Variants in MOB3B observed in about 807,000 individuals in gnomAD.
MOB3B encodes the protein MOB kinase activator-like 2B.
In MOB3B, 7 loss-of-function variants were observed where a neutral mutation model predicts 18.7. That is an observed-to-expected ratio of 0.37 (90% CI 0.21 to 0.70). MOB3B has a LOEUF of 0.70. MOB3B is among the 30% of genes least tolerant of loss of function. MOB3B has a pLI of 0.52. For synonymous variants in MOB3B, 111 were observed against 99.9 expected (o/e 1.11, Z -0.66); for missense variants, 253 against 281.3 (o/e 0.90, Z 0.72).
At chr9:27,489,873 G>A (rs1819789699) in intron 1 of MOB3B, among the ~76,000 whole-genome samples, 1 of 150,166 alleles carries the variant, frequency 6.7e-6, no homozygotes, top group Admixed American at 6.7e-5. Flanking sequence ...AGTCACATAA[G>A]CTAAAAAACA....
chr9:27,430,127 A>G (rs142436837), intron 2 of MOB3B, among the ~76,000 whole-genome samples: 274 of 151,844 alleles, frequency 1.8e-3, no homozygotes, highest in African/African-American at 6.3e-3. Context: ...TGACATCACT[A>G]CTCCTTGACC....
At chr9:27,483,027 A>G (rs1210314243) in intron 1 of MOB3B, among the ~76,000 whole-genome samples, 1 of 149,724 alleles carries the variant, frequency 6.7e-6, no homozygotes, top group African/African-American at 2.6e-5. Context: ...GTGCACATAC[A>G]TATTTGAGGG....
intron 3 of MOB3B, among the ~76,000 whole-genome samples, chr9:27,356,879 T>C (rs1173806465): frequency 6.6e-6 from 1 of 151,776 alleles, no homozygotes; most frequent in African/African-American, 2.4e-5. Flanking sequence ...TGCACAACCT[T>C]ATCTTCCCAT....
chr9:27,485,700 C>A (rs770167250), intron 1 of MOB3B, among the ~76,000 whole-genome samples: 5 of 152,192 alleles, frequency 3.3e-5, no homozygotes, highest in Non-Finnish European at 7.4e-5. Flanking sequence ...TACAAAATGT[C>A]AACAGCAGAA....
intron 2 of MOB3B, among the ~76,000 whole-genome samples, chr9:27,360,082 G>A (rs980322142): frequency 3.3e-5 from 5 of 152,172 alleles, no homozygotes; most frequent in African/African-American, 1.2e-4. Context: ...TCATAATAAG[G>A]TCTTCCTTAA....
chr9:27,428,584 T>A (rs1822371622), intron 2 of MOB3B, among the ~76,000 whole-genome samples: 1 of 152,242 alleles, frequency 6.6e-6, no homozygotes, highest in Non-Finnish European at 1.5e-5. Context: ...TTTCCATTCA[T>A]TGCGGTCCAA....
intron 2 of MOB3B, among the ~76,000 whole-genome samples, chr9:27,416,741 G>T (rs1441342032): frequency 2.6e-5 from 4 of 151,610 alleles, no homozygotes; most frequent in African/African-American, 9.7e-5. Context: ...TTGCTATGTT[G>T]CCCAGGCTGG....
At chr9:27,370,934 G>A (rs572182844) in intron 2 of MOB3B, among the ~76,000 whole-genome samples, 25 of 152,116 alleles carry the variant, frequency 1.6e-4, no homozygotes, top group African/African-American at 6.0e-4. Flanking sequence ...ACCAAGTCAC[G>A]TCTAAGGAGT....
At chr9:27,391,241 G>A (rs929182759) in intron 2 of MOB3B, among the ~76,000 whole-genome samples, 1 of 152,154 alleles carries the variant, frequency 6.6e-6, no homozygotes, top group Non-Finnish European at 1.5e-5. Context: ...CCTATTCAGA[G>A]GCGACTGCCT....
intron 2 of MOB3B, among the ~76,000 whole-genome samples, chr9:27,424,731 A>T (rs576780397): frequency 6.6e-6 from 1 of 152,362 alleles, no homozygotes; most frequent in East Asian, 1.9e-4. Context: ...AGCAAAGAAT[A>T]TACCAGACTG....
chr9:27,443,453 C>A (rs936124294), intron 2 of MOB3B, among the ~76,000 whole-genome samples: 1 of 152,152 alleles, frequency 6.6e-6, no homozygotes, highest in Non-Finnish European at 1.5e-5. Flanking sequence ...CGATTTCTTC[C>A]TTTCTTTTAC....
intron 1 of MOB3B, among the ~76,000 whole-genome samples, chr9:27,497,942 T>C (rs2477524): frequency 0.92 from 139,557 of 152,296 alleles, 64,904 homozygotes; most frequent in East Asian, 1. Flanking sequence ...GACAAGAAGA[T>C]GAAATGTGAA....
rs1378034239 is a variant in MOB3B at position 27,329,676 on chromosome 9, CTG to C, written c.*909_*910del. ...ATTATGTAGAGACAGCCACGACTCC[CTG>C]TCTTTAATAAAGAACAAACACTGCA... On this transcript the variant is annotated 3_prime_UTR_variant, in exon 4 of 4. Coordinates refer to ENST00000262244, the MANE Select transcript of MOB3B (RefSeq NM_024761.5). 6.6e-6 allele frequency: 1 copy of C among 152,638 alleles called. No individual in the cohort carries two copies. Among genetic ancestry groups the C allele is most frequent in the Non-Finnish European group, 1.5e-5 (1 of 68,036 alleles). 9.5% of individuals were successfully genotyped at this position (152,638 alleles called of 1,614,324 possible). A position where few individuals can be genotyped will look rare whatever the true frequency, so the allele number is the denominator to read the frequency against.
chr9:27,477,474 T>C (rs1419046231), intron 1 of MOB3B, among the ~76,000 whole-genome samples: 1 of 152,236 alleles, frequency 6.6e-6, no homozygotes, highest in Non-Finnish European at 1.5e-5. Flanking sequence ...TTACTTATTG[T>C]TTGTTTTGTC....
intron 2 of MOB3B, among the ~76,000 whole-genome samples, chr9:27,406,277 A>G (rs149231065): frequency 6.6e-6 from 1 of 152,350 alleles, no homozygotes; most frequent in African/African-American, 2.4e-5. Context: ...TTGTATGCCA[A>G]CAGTGAACAA....
chr9:27,378,173 C>G (rs1821519261), intron 2 of MOB3B: 1 of 352,366 alleles, frequency 2.8e-6, no homozygotes, highest in Admixed American at 3.7e-5. Context: ...ATCTTCAGGT[C>G]AGAAATCAGA....
chr9:27,415,707 T>A (rs1180662759), intron 2 of MOB3B, among the ~76,000 whole-genome samples: 1 of 152,168 alleles, frequency 6.6e-6, no homozygotes, highest in Non-Finnish European at 1.5e-5. Context: ...CACTTCCAAA[T>A]GGAAAAGGTC....
At chr9:27,460,078 T>C (rs1031177577) in intron 1 of MOB3B, among the ~76,000 whole-genome samples, 12 of 152,144 alleles carry the variant, frequency 7.9e-5, no homozygotes, top group African/African-American at 9.7e-5. Flanking sequence ...ATAGAGTTCA[T>C]AAAAATGTGG....
intron 2 of MOB3B, among the ~76,000 whole-genome samples, chr9:27,447,263 C>A (rs1328914516): frequency 6.6e-6 from 1 of 152,154 alleles, no homozygotes; most frequent in Non-Finnish European, 1.5e-5. Flanking sequence ...CAGGGCCCTG[C>A]TGATACACCC....
Sources: gnomAD v4.1 joint callset for allele counts (sites outside exome capture counted in the v4.1 genomes callset) on GRCh38, gnomAD v4.1.1 for gene constraint, MANE v1.5 for transcripts, NCBI Gene and HGNC (gene_info 2026-07-23, HGNC 2026-07-21) for gene names.